PTPRD: variants seen among roughly 807,000 people sequenced by gnomAD.
PTPRD encodes the protein receptor-type tyrosine-protein phosphatase delta.
PTPRD carries 34 observed loss-of-function variants against 214.5 expected under a neutral mutation model. The ratio of observed to expected loss-of-function variants is 0.16; its 90% CI spans 0.12 to 0.21. The LOEUF (loss-of-function observed/expected upper bound fraction) is 0.21, where lower values mean the gene tolerates loss of function less well. PTPRD is among the 10% of genes least tolerant of loss of function. PTPRD has a pLI of 1.00. For synonymous variants in PTPRD, 1,128 were observed against 845.7 expected, an observed-to-expected ratio of 1.33 and a Z score of -5.79; for missense variants, 2,545 against 2,398.7, an observed-to-expected ratio of 1.06 and a Z score of -1.27.
At chr9:8,338,486 T>G (rs888642405) in intron 43 of PTPRD, among the ~76,000 whole-genome samples, 3 of 152,090 alleles carry the variant, frequency 2.0e-5, no homozygotes, top group Non-Finnish European at 4.4e-5. Flanking sequence ...GCTCTGCGGT[T>G]TTAAAATCAT....
chr9:9,972,069 A>G (rs10978144), intron 4 of PTPRD, among the ~76,000 whole-genome samples: 1 of 152,190 alleles, frequency 6.6e-6, no homozygotes, highest in African/African-American at 2.4e-5. Flanking sequence ...AATACAAGCC[A>G]CAGTTGCAGC....
intron 36 of PTPRD, among the ~76,000 whole-genome samples, chr9:8,389,631 GA>G (rs1357353256): frequency 2.6e-5 from 4 of 152,044 alleles, no homozygotes; most frequent in Non-Finnish European, 5.9e-5. Flanking sequence ...ATACGACAAA[GA>G]AAAAATACAA....
chr9:8,527,190 G>C (rs769087420), intron 16 of PTPRD, among the ~76,000 whole-genome samples, 155 bp downstream of exon 16: 6 of 151,954 alleles, frequency 3.9e-5, no homozygotes, highest in Non-Finnish European at 8.8e-5. Context: ...TACGATAACA[G>C]TTCTGTGGAG....
chr9:9,728,325 A>T (rs1349342570), intron 7 of PTPRD, among the ~76,000 whole-genome samples: 2 of 152,194 alleles, frequency 1.3e-5, no homozygotes, highest in Non-Finnish European at 2.9e-5. Flanking sequence ...ATACTTTATG[A>T]GTCATAATTT....
At chr9:9,386,122 T>C (rs982473627) in intron 9 of PTPRD, among the ~76,000 whole-genome samples, 4 of 152,196 alleles carry the variant, frequency 2.6e-5, no homozygotes, top group Non-Finnish European at 5.9e-5. Flanking sequence ...GAAATTGTAT[T>C]ACCTGAGTCC....
intron 3 of PTPRD, among the ~76,000 whole-genome samples, chr9:10,300,491 G>C (rs2095828529): frequency 6.6e-6 from 1 of 152,202 alleles, no homozygotes; most frequent in East Asian, 1.9e-4. Context: ...CCACCACCCG[G>C]AGCCCAGCAA....
At chr9:10,233,006 C>G (rs1472630098) in intron 3 of PTPRD, among the ~76,000 whole-genome samples, 1 of 151,998 alleles carries the variant, frequency 6.6e-6, no homozygotes, top group Admixed American at 6.6e-5. Flanking sequence ...AAACAAGCAT[C>G]AGGAATGTGT....
At chr9:9,154,734 T>C (rs1001099877) in intron 10 of PTPRD, among the ~76,000 whole-genome samples, 1 of 152,122 alleles carries the variant, frequency 6.6e-6, no homozygotes, top group South Asian at 2.1e-4. Context: ...CAGCAACAGG[T>C]AAGCCAGAAA....
Position 8,625,856 on chromosome 9 carries a change from A to C in PTPRD, c.352+7461T>G, listed in dbSNP as rs67775498. On this transcript the variant is annotated intron_variant, in intron 14 of 45. Coordinates refer to ENST00000381196, the MANE Select transcript of PTPRD (RefSeq NM_002839.4). Reference sequence around the variant, plus strand: ...CTTGAAATGATATGACTATTCCCCGATTGCCCAGTAGTTAAAAAAAAAAAA... The same window carrying C: ...CTTGAAATGATATGACTATTCCCCGCTTGCCCAGTAGTTAAAAAAAAAAAA... 2.0e-5 allele frequency among the ~76,000 whole-genome samples: 3 copies of C among 150,824 alleles called. No homozygotes were observed. The East Asian group carries it at 5.9e-4, about 30-fold the overall frequency.
intron 7 of PTPRD, among the ~76,000 whole-genome samples, chr9:9,580,802 G>A (rs538428291): frequency 2.4e-4 from 37 of 151,944 alleles, no homozygotes; most frequent in Non-Finnish European, 4.7e-4. Flanking sequence ...ACCCACCTCA[G>A]CCTCCCAAAG....
chr9:8,390,096 G>C (rs975556018), intron 36 of PTPRD, among the ~76,000 whole-genome samples: 2 of 152,144 alleles, frequency 1.3e-5, no homozygotes, highest in Non-Finnish European at 2.9e-5. Flanking sequence ...GAACCTCCTG[G>C]ATTAGGACAG....
At chr9:8,719,718 T>C (rs2098472213) in intron 12 of PTPRD, among the ~76,000 whole-genome samples, 1 of 152,238 alleles carries the variant, frequency 6.6e-6, no homozygotes, top group Non-Finnish European at 1.5e-5. Context: ...CAACAATATT[T>C]ACCATATAGC....
chr9:10,190,715 T>A, intron 3 of PTPRD, among the ~76,000 whole-genome samples: 1 of 84,938 alleles, frequency 1.2e-5, no homozygotes. Flanking sequence ...CAAAACTCTG[T>A]CTCAAAAAAA....
chr9:10,040,814 T>A (rs759633834), intron 3 of PTPRD, among the ~76,000 whole-genome samples: 7 of 152,080 alleles, frequency 4.6e-5, no homozygotes, highest in African/African-American at 7.2e-5. Context: ...CTTTATCAAA[T>A]TGAAATGTGT....
intron 11 of PTPRD, among the ~76,000 whole-genome samples, chr9:8,885,590 A>G (rs148934737): frequency 1.4e-5 from 2 of 144,548 alleles, no homozygotes; most frequent in African/African-American, 5.1e-5. Context: ...TCTGCCTTCC[A>G]GGTTCAAGCA....
At chr9:9,192,624 A>T (rs1252038369) in intron 9 of PTPRD, among the ~76,000 whole-genome samples, 19 of 152,138 alleles carry the variant, frequency 1.2e-4, no homozygotes, top group Non-Finnish European at 1.5e-5. Context: ...TAAAACAAAT[A>T]GAGAGTCCAT....
At chr9:9,493,489 T>A (rs1331096489) in intron 8 of PTPRD, among the ~76,000 whole-genome samples, 1 of 152,002 alleles carries the variant, frequency 6.6e-6, no homozygotes, top group Non-Finnish European at 1.5e-5. Context: ...GTTTTATTAT[T>A]TAAGAAATAC....
chr9:8,564,599 C>T (rs1234490753), intron 14 of PTPRD, among the ~76,000 whole-genome samples: 1 of 152,080 alleles, frequency 6.6e-6, no homozygotes, highest in African/African-American at 2.4e-5. Flanking sequence ...TACTCAGGGG[C>T]TGAGGCAGGA....
intron 3 of PTPRD, among the ~76,000 whole-genome samples, chr9:10,231,973 AG>A (rs2099611953): frequency 7.7e-6 from 1 of 129,556 alleles, no homozygotes; most frequent in Non-Finnish European, 1.6e-5. Context: ...AGAGAGAGAG[AG>A]AGAGAGAGAG....
Sources: gnomAD v4.1 joint callset for allele counts (sites outside exome capture counted in the v4.1 genomes callset) on GRCh38, gnomAD v4.1.1 for gene constraint, MANE v1.5 for transcripts, NCBI Gene and HGNC (gene_info 2026-07-23, HGNC 2026-07-21) for gene names.